Variants in SON observed in about 807,000 individuals in gnomAD.
The protein encoded by SON is protein SON.
A neutral mutation model predicts 173.3 loss-of-function variants in SON; 4 were observed. The observed-to-expected ratio is 0.02, with a 90% CI of 0.01 to 0.05. The LOEUF (loss-of-function observed/expected upper bound fraction) is 0.05, where lower values mean the gene tolerates loss of function less well. Ranked by LOEUF, SON falls within the 10% of genes least tolerant of loss-of-function variation. The probability of loss-of-function intolerance (pLI) is 1.00; values close to 1 mark genes in which losing one functional copy is unlikely to be tolerated. For missense variants in SON, 2,626 were observed against 3,055.3 expected (o/e 0.86, Z 3.31); for synonymous variants, 1,190 against 1,105.9 (o/e 1.08, Z -1.51).
chr21:33,543,527 G>A, intron 1 of SON: 1 of 193,720 alleles, frequency 5.2e-6, no homozygotes, highest in Non-Finnish European at 9.0e-6. Flanking sequence ...CCGCCGCCGC[G>A]TATCCCCTCC....
intron 8 of SON, chr21:33,569,361 G>T (rs1364589847): frequency 5.2e-6 from 2 of 383,974 alleles, no homozygotes; most frequent in Non-Finnish European, 1.0e-5. Flanking sequence ...TATTTTGAAC[G>T]CTAATAGTGT....
chr21:33,575,934 T>C, intron 11 of SON, 41 bp downstream of exon 11: 1 of 987,340 alleles, frequency 1.0e-6, no homozygotes, highest in Non-Finnish European at 1.5e-6. Flanking sequence ...TATTTATTAA[T>C]GTGATGACTT....
At chr21:33,543,354 C>T (rs1016707935) in intron 1 of SON, 185 bp downstream of exon 1, 2 of 617,764 alleles carry the variant, frequency 3.2e-6, no homozygotes, top group East Asian at 2.7e-5. Flanking sequence ...TTCCTTTTCC[C>T]TCGAGGAACT....
In SON at chr21:33,559,815, C is replaced by T; in HGVS notation, c.6657+40C>T. 1 of 1,605,798 alleles carries T rather than the reference C, an allele frequency of 6.2e-7. No homozygotes were observed. The highest frequency in any genetic ancestry group is 8.5e-7 in the Non-Finnish European group (1 of 1,174,742). On this transcript the variant is annotated intron_variant, in intron 6 of 11. Transcript: ENST00000356577. This position sits in a 1 kb window ranked among gnomAD's most constrained non-coding sequence, Gnocchi z 4.1. ...TATTATGTATTTTTCCTTTTTTATA[C>T]CTGAATCTGCCATTTCATTGTTATG...
At chr21:33,545,525 T>A (rs2085593892) in intron 1 of SON, among the ~76,000 whole-genome samples, 1 of 152,250 alleles carries the variant, frequency 6.6e-6, no homozygotes, top group Non-Finnish European at 1.5e-5. Context: ...GATATGTTCT[T>A]ACCTATTTAA....
rs1365883647 is a variant in SON, at chr21:33,554,410, G to A, written c.5179G>A (p.Asp1727Asn). Residue 1727 changes from aspartate (D) to asparagine (N), a missense_variant, in exon 3 of 12, where the codon GAT (aspartate) becomes AAT (asparagine). Physicochemically the swap from Asp to Asn is conservative, Grantham distance 23 (BLOSUM62 1). Transcript: ENST00000356577. ...TTCAGGATTTTCTGCCAATATTGAG[G>A]ATATTAATGAAGCAGATTTAGTGAG... The part of the protein sequence containing the change: ...PDSGFSANIE[D>N]INEADLVRPL... 1.2e-6 allele frequency: 2 copies of A among 1,614,154 alleles called. No homozygotes were observed. The highest frequency in any genetic ancestry group is 1.7e-6 in the Non-Finnish European group (2 of 1,180,024).
At chr21:33,566,984 T>C (rs1488387331) in intron 6 of SON, among the ~76,000 whole-genome samples, 173 bp from the exon 7 acceptor site, 1 of 151,916 alleles carries the variant, frequency 6.6e-6, no homozygotes, top group Admixed American at 6.5e-5. Flanking sequence ...TTAATCCTCT[T>C]CTGTTTTCCA....
In SON at chr21:33,550,080, TCCAGAGCCATCA is replaced by T; in HGVS notation, c.850_861del (p.Pro284_Ser287del). ...TGCTGAAATCTGTGGAGAGCACATCTCCAGAGCCATCAAAGATCATGTTGGTAGAGCCCCCAG... is the reference window on the plus strand; with the variant it reads ...TGCTGAAATCTGTGGAGAGCACATCTAAGATCATGTTGGTAGAGCCCCCAG... On this transcript the variant is annotated inframe_deletion, in exon 3 of 12. Transcript: ENST00000356577. The T allele has an allele frequency of 1.2e-6, 2 of 1,614,112 alleles. No homozygotes were observed. Among genetic ancestry groups the T allele is most frequent in the Middle Eastern group, 1.6e-4 (1 of 6,062 alleles).
chr21:33,563,600 A>C (rs188421767), intron 6 of SON, among the ~76,000 whole-genome samples: 1 of 152,252 alleles, frequency 6.6e-6, no homozygotes, highest in Non-Finnish European at 1.5e-5. Flanking sequence ...CCTAACAATT[A>C]TCTTTAGCTC....
intron 8 of SON, chr21:33,572,670 C>A: frequency 1.9e-6 from 2 of 1,038,684 alleles, no homozygotes; most frequent in Non-Finnish European, 2.7e-6. Flanking sequence ...AGTCTTTTAA[C>A]ATCAAGCTAG....
At position 33,559,979 on chromosome 21, in the gene SON, C is replaced by G; in HGVS notation, c.6657+204C>G. On this transcript the variant is annotated intron_variant, in intron 6 of 11. Coordinates refer to ENST00000356577, the MANE Select transcript of SON (RefSeq NM_138927.4). This position sits in a 1 kb window ranked among gnomAD's most constrained non-coding sequence, Gnocchi z 4.1. ...CAATTCACTTTGTGGAACCAAGCCA[C>G]AAAGTGAAAAGCATCGAATTGCAGA... is the stretch of plus-strand genomic sequence containing the variant. 6.2e-7 allele frequency: 1 copy of G among 1,614,164 alleles called. No homozygotes were observed. Among genetic ancestry groups the G allele is most frequent in the Middle Eastern group, 1.6e-4 (1 of 6,062 alleles).
rs2086385483 is a variant in SON, at chr21:33,575,754, A to C, written c.7106-24A>C. On this transcript the variant is annotated intron_variant, in intron 10 of 11. Transcript: ENST00000356577. ...CAGAAGTTGGTGGAAATAATTTAAA[A>C]CTGGGTATTTCTCCCCCCTGCAGGC... The C allele has an allele frequency of 1.9e-6, 3 of 1,567,528 alleles. No individual in the cohort carries two copies. The South Asian group carries it at 3.4e-5, about 18-fold the overall frequency.
In SON at chr21:33,567,412, A is replaced by C. The variant is rs369719960; in HGVS notation, c.6768+145A>C. On this transcript the variant is annotated intron_variant, in intron 7 of 11. Coordinates refer to ENST00000356577, the MANE Select transcript of SON (RefSeq NM_138927.4). ...TACCTTATTTTCAATGTCTTATTTTAAATGAAAGTGATTCGAGGCCTGATC... is the reference window on the plus strand; with the variant it reads ...TACCTTATTTTCAATGTCTTATTTTCAATGAAAGTGATTCGAGGCCTGATC... 9.9e-6 allele frequency: 6 copies of C among 608,682 alleles called. No homozygotes were observed. The East Asian group carries it at 1.4e-4, about 14-fold the overall frequency. The allele number at this position is 608,682 out of a possible 1,614,324, so 37.7% of individuals were successfully genotyped here.
intron 8 of SON, chr21:33,569,720 C>A: frequency 8.0e-6 from 3 of 376,300 alleles, no homozygotes; most frequent in South Asian, 6.0e-5. Flanking sequence ...GGTGATCTTG[C>A]CATGGGACTG....
chr21:33,553,805 A>C lies in SON; in HGVS notation c.4574A>C (p.Glu1525Ala). The C allele has an allele frequency of 6.2e-7, 1 of 1,614,102 alleles. No homozygotes were observed. ...GAACACCTGAAAGGTGACTTTTACG[A>C]AAGTGAACATGGTATAAATATAGAC... ...AEEHLKGDFY[E>A]SEHGINIDLN... Residue 1525 changes from glutamate to alanine, a missense_variant, in exon 3 of 12, where the codon GAA becomes GCA. This residue lies in a region of SON where 1,006 missense variants were observed against 895.6 expected (regional missense o/e 1.12). Transcript: ENST00000356577.
In SON at chr21:33,549,559, A is replaced by G; in HGVS notation, c.328A>G (p.Lys110Glu). 1 of 1,587,092 alleles carries G rather than the reference A, an allele frequency of 6.3e-7. No homozygotes were observed. Among genetic ancestry groups the G allele is most frequent in the Non-Finnish European group, 8.5e-7 (1 of 1,172,048 alleles). Residue 110 changes from lysine (K) to glutamate (E), a missense_variant, in exon 3 of 12, where the codon AAG becomes GAG. Lys to Glu is a moderately conservative substitution (Grantham distance 56). Around this residue, in one of 13 missense-constraint regions of SON, gnomAD observed 757 missense variants for 730.1 expected, o/e 1.04. Transcript: ENST00000356577. Reference protein sequence around the residue: ...TDEIPTKKSKKHKKHKNKKKK... With the variant: ...TDEIPTKKSKEHKKHKNKKKK... ...TGAAATTCCCACTAAAAAGTCAAAG[A>G]AGCATAAAAAGCACAAAAACAAAAA... is the stretch of plus-strand genomic sequence containing the variant.
intron 2 of SON, 66 bp downstream of exon 2, chr21:33,546,445 A>G (rs2085619093): frequency 7.5e-7 from 1 of 1,336,516 alleles, no homozygotes; most frequent in South Asian, 1.3e-5. Flanking sequence ...TTTGAAGGTT[A>G]ATGTTAGTTT....
At chr21:33,555,523 A>G in intron 3 of SON, 132 bp downstream of exon 3, 1 of 818,798 alleles carries the variant, frequency 1.2e-6, no homozygotes, top group East Asian at 3.2e-5. Context: ...AGTTTTTATT[A>G]TTACATGGTA....
In SON at chr21:33,553,897, A is replaced by C; in HGVS notation, c.4666A>C (p.Ser1556Arg). 6.2e-7 allele frequency: 1 copy of C among 1,614,132 alleles called. No homozygotes were observed. Among genetic ancestry groups the C allele is most frequent in the Non-Finnish European group, 8.5e-7 (1 of 1,180,008 alleles). ...EHNTVCAAGTSPVGEIGEEKI... is the reference protein window; with the variant it reads ...EHNTVCAAGTRPVGEIGEEKI... ...TAATACAGTGTGTGCTGCTGGTACTAGTCCTGTTGGGGAAATTGGTGAAGA... is the reference window on the plus strand; with the variant it reads ...TAATACAGTGTGTGCTGCTGGTACTCGTCCTGTTGGGGAAATTGGTGAAGA... Residue 1556 changes from serine to arginine, a missense_variant, in exon 3 of 12, where the codon AGT (serine) becomes CGT (arginine). Physicochemically the swap from Ser to Arg is moderately radical, Grantham distance 110. Transcript: ENST00000356577.
Sources: gnomAD v4.1 joint callset for allele counts (sites outside exome capture counted in the v4.1 genomes callset) on GRCh38, gnomAD v4.1.1 for gene constraint, gnomAD v4.1.1 regional missense constraint, Gnocchi (gnomAD v3.1) non-coding constraint, MANE v1.5 for transcripts, NCBI Gene and HGNC (gene_info 2026-07-23, HGNC 2026-07-21) for gene names.